Variants in CEP120 observed in about 807,000 individuals in gnomAD.
CEP120 encodes centrosomal protein 120, also known as centrosomal protein of 120 kDa.
A neutral mutation model predicts 126.5 loss-of-function variants in CEP120; 113 were observed. The observed-to-expected ratio is 0.89, with a 90% confidence interval of 0.77 to 1.04. The LOEUF is 1.04. CEP120 is among the 50% of genes least tolerant of loss of function. The pLI, the probability that CEP120 is intolerant of heterozygous loss-of-function variation, is 0.00. For missense variants in CEP120, 1,230 were observed against 1,155.7 expected (o/e 1.06, Z -0.93); for synonymous variants, 400 against 394.3 (o/e 1.01, Z -0.17).
Position 123,388,487 on chromosome 5 carries a change from C to T in CEP120, c.1375G>A (p.Asp459Asn), listed in dbSNP as rs774259311. The change falls in exon 9 of 20, where the codon GAC (aspartate) becomes AAC (asparagine). Residue 459 changes from aspartate to asparagine, a missense_variant. Asp to Asn is a conservative substitution (Grantham distance 23). Coordinates refer to ENST00000306467, the MANE Select transcript of CEP120 (RefSeq NM_001375405.1). Reference protein sequence around the residue: ...ATSHHFCFSIDLRSIHALEIG... With the variant: ...ATSHHFCFSINLRSIHALEIG... Reference sequence around the variant, plus strand: ...TCCAAGGCATGTATACTCCTTAAGTCTATTGAAAAGCAAAAATGATGTGAT... The same window carrying T: ...TCCAAGGCATGTATACTCCTTAAGTTTATTGAAAAGCAAAAATGATGTGAT... The T allele has an allele frequency of 6.2e-7, 1 of 1,608,086 alleles. No homozygotes were observed.
intron 4 of CEP120, chr5:123,403,601 G>A: frequency 3.1e-6 from 1 of 326,052 alleles, no homozygotes; most frequent in Non-Finnish European, 5.9e-6. Flanking sequence ...GGAAAAAAGA[G>A]CAAGTTTACA....
Position 123,410,836 on chromosome 5 carries a change from G to C in CEP120, c.463+1563C>G, listed in dbSNP as rs541897248. 2.0e-5 allele frequency among the ~76,000 whole-genome samples: 3 copies of C among 152,288 alleles called. No individual in the cohort carries two copies. The East Asian group carries it at 5.8e-4, about 29-fold the overall frequency. On this transcript the variant is annotated intron_variant, in intron 4 of 19. Transcript: ENST00000306467. The stretch of plus-strand genomic sequence containing the variant: ...CATGAATGCAACAACTCATAAGCCG[G>C]ACTTCATTAAAATTTAAAACTTCTG...
rs1295800185 is a variant in CEP120, at chr5:123,372,686, A to G, written c.2445T>C (p.Arg815=). 1 of 1,612,196 alleles carries G rather than the reference A, an allele frequency of 6.2e-7. No individual in the cohort carries two copies. The highest frequency in any genetic ancestry group is 1.7e-5 in the Admixed American group (1 of 59,814). The change falls in exon 17 of 20, where the codon CGT becomes CGC. Residue 815 remains arginine (R), a synonymous_variant. Transcript: ENST00000306467. ...TGAGAAGATTTATTTCAGACTGTAGACGGATTTCTGGTTTGTTGTTTTGCT... is the reference window on the plus strand; with the variant it reads ...TGAGAAGATTTATTTCAGACTGTAGGCGGATTTCTGGTTTGTTGTTTTGCT... ...KDQQNNKPEI[R]LQSEINLLTL...
chr5:123,404,861 C>T (rs1264847332), intron 4 of CEP120, among the ~76,000 whole-genome samples: 1 of 152,156 alleles, frequency 6.6e-6, no homozygotes, highest in Non-Finnish European at 1.5e-5. Context: ...TTCCAGAAGA[C>T]ACCTTCTTCC....
At chr5:123,353,924 T>TCCCCCATTTC (rs1315929369) in intron 18 of CEP120, among the ~76,000 whole-genome samples, 4 of 152,012 alleles carry the variant, frequency 2.6e-5, no homozygotes, top group Non-Finnish European at 5.9e-5. Context: ...TTGTACATTT[T>TCCCCCATTTC]CCCCCATTTC....
intron 18 of CEP120, among the ~76,000 whole-genome samples, chr5:123,352,716 C>G (rs1310303521): frequency 6.6e-6 from 1 of 151,870 alleles, no homozygotes; most frequent in Non-Finnish European, 1.5e-5. Flanking sequence ...CTAAAAAAAA[C>G]CTGCTGAGAT....
Position 123,382,169 on chromosome 5 carries a change from G to A in CEP120, c.2045C>T (p.Ala682Val), listed in dbSNP as rs754891421. The change falls in exon 14 of 20, where the codon GCT (alanine) becomes GTT (valine). Residue 682 changes from alanine to valine, a missense_variant. Physicochemically the swap from Ala to Val is moderately conservative, Grantham distance 64. Coordinates refer to ENST00000306467, the MANE Select transcript of CEP120 (RefSeq NM_001375405.1). ...CCTTTTCTTCCATTCCTCTGCAAGA[G>A]CCTGCATATGAGCCAGTTCTTTCTG... The part of the protein sequence containing the change: ...LKQKELAHMQ[A>V]LAEEWKKRDR... 10 of 1,608,496 alleles carry A rather than the reference G, an allele frequency of 6.2e-6. No homozygotes were observed. Among genetic ancestry groups the A allele is most frequent in the Middle Eastern group, 3.3e-4 (2 of 6,054 alleles).
At chr5:123,356,895 C>G (rs1248201987) in intron 18 of CEP120, among the ~76,000 whole-genome samples, 2 of 151,956 alleles carry the variant, frequency 1.3e-5, no homozygotes, top group East Asian at 3.9e-4. Context: ...TTCCATTGTT[C>G]TTTACTTTTC....
intron 4 of CEP120, chr5:123,401,725 G>T: frequency 2.3e-6 from 3 of 1,297,376 alleles, no homozygotes; most frequent in Non-Finnish European, 3.3e-6. Context: ...GCTCTACCTT[G>T]TTAATGTAAG....
intron 14 of CEP120, among the ~76,000 whole-genome samples, chr5:123,379,301 G>GT (rs1442285234): frequency 6.6e-6 from 1 of 151,898 alleles, no homozygotes; most frequent in East Asian, 1.9e-4. Context: ...TTTGGCTTTC[G>GT]TTTTTTATAC....
intron 4 of CEP120, among the ~76,000 whole-genome samples, chr5:123,410,590 A>C (rs1773993074): frequency 6.6e-6 from 1 of 152,228 alleles, no homozygotes; most frequent in African/African-American, 2.4e-5. Flanking sequence ...GGAGCAAAGA[A>C]AGTCTTTTCA....
At chr5:123,396,648 G>A (rs17474406) in intron 5 of CEP120, among the ~76,000 whole-genome samples, 3,133 of 152,162 alleles carry the variant, frequency 0.021, 59 homozygotes, top group Admixed American at 0.048. Context: ...TAACTATCAC[G>A]ACTACATAAA....
intron 18 of CEP120, among the ~76,000 whole-genome samples, chr5:123,362,921 A>G (rs894496342): frequency 6.6e-6 from 1 of 151,594 alleles, no homozygotes; most frequent in African/African-American, 2.4e-5. Context: ...CCCACCCTCC[A>G]AACAGCTTTT....
intron 1 of CEP120, 75 bp from the exon 2 acceptor site, chr5:123,418,590 G>A (rs1014112037): frequency 3.5e-6 from 4 of 1,141,524 alleles, no homozygotes; most frequent in Admixed American, 6.6e-5. Flanking sequence ...GTGTTTTTTT[G>A]TTTGGCTGGT....
intron 5 of CEP120, among the ~76,000 whole-genome samples, chr5:123,397,659 G>T (rs1377531984): frequency 2.6e-5 from 4 of 152,242 alleles, no homozygotes; most frequent in African/African-American, 9.6e-5. Context: ...GATGAATTCA[G>T]TGTGACAAAG....
intron 17 of CEP120, among the ~76,000 whole-genome samples, chr5:123,371,688 C>T (rs1370498236): frequency 5.9e-5 from 9 of 152,072 alleles, no homozygotes; most frequent in Non-Finnish European, 1.3e-4. Context: ...GATTCAACTA[C>T]TGCCAGCGAA....
At position 123,402,016 on chromosome 5, in the gene CEP120, G is replaced by T. The variant is rs112683892; in HGVS notation, c.464-2732C>A. ...ATCTTGTTCTGCTGCTCCAGGAACC[G>T]TACCTTGTCTATGAAGGAGGCAAAC... On this transcript the variant is annotated intron_variant, in intron 4 of 19. Transcript: ENST00000306467. 1,686 of 1,606,318 alleles carry T rather than the reference G, an allele frequency of 1.0e-3. 8 individuals are homozygous for T. The African/African-American group carries it at 0.02, about 19-fold the overall frequency.
intron 18 of CEP120, among the ~76,000 whole-genome samples, chr5:123,352,823 T>G (rs1580627367): frequency 6.6e-6 from 1 of 152,050 alleles, no homozygotes; most frequent in East Asian, 1.9e-4. Flanking sequence ...TACCTAATTA[T>G]GTAGGTCTTT....
At chr5:123,357,873 A>G (rs1006036663) in intron 18 of CEP120, among the ~76,000 whole-genome samples, 2 of 149,042 alleles carry the variant, frequency 1.3e-5, no homozygotes, top group African/African-American at 2.6e-5. Context: ...ACATCTGACA[A>G]TAGCCAATTA....
Sources: gnomAD v4.1 joint callset for allele counts (sites outside exome capture counted in the v4.1 genomes callset) on GRCh38, gnomAD v4.1.1 for gene constraint, MANE v1.5 for transcripts, NCBI Gene and HGNC (gene_info 2026-07-23, HGNC 2026-07-21) for gene names.